Variants in BBS9 observed in about 807,000 individuals in gnomAD.
BBS9 encodes the protein protein PTHB1.
BBS9 carries 89 observed loss-of-function variants against 117.7 expected under a neutral mutation model. The observed-to-expected ratio is 0.76, with a 90% CI of 0.64 to 0.90. The LOEUF (loss-of-function observed/expected upper bound fraction) is 0.90, where lower values mean the gene tolerates loss of function less well. Among genes scored for constraint, BBS9 ranks in the 40% least tolerant of loss-of-function variants. The pLI is 0.00. For missense variants in BBS9, 982 were observed against 1,042.2 expected, an observed-to-expected ratio of 0.94 and a Z score of 0.80; for synonymous variants, 379 against 370.9, an observed-to-expected ratio of 1.02 and a Z score of -0.25.
rs77499836 is a variant in BBS9 at position 33,413,042 on chromosome 7, T to A, written c.2115+24898T>A. 1.8e-4 allele frequency among the ~76,000 whole-genome samples: 28 copies of A among 152,304 alleles called. No homozygotes were observed. In the East Asian group the frequency reaches 4.8e-3, roughly 26 times the overall value. On this transcript the variant is annotated intron_variant, in intron 19 of 22. Transcript: ENST00000242067. The stretch of plus-strand genomic sequence containing the variant: ...TACTCACGACCTAGAAAAAGAGTCA[T>A]TTTTTACTATGAGTTAATTTTTCTG...
chr7:33,174,033 G>A (rs1258814900), intron 4 of BBS9, among the ~76,000 whole-genome samples: 2 of 152,112 alleles, frequency 1.3e-5, no homozygotes, highest in Non-Finnish European at 2.9e-5. Context: ...GATATAAGAA[G>A]CCCCCTTACT....
At chr7:33,580,471 C>G (rs549232534) in intron 21 of BBS9, among the ~76,000 whole-genome samples, 8 of 151,730 alleles carry the variant, frequency 5.3e-5, no homozygotes, top group African/African-American at 1.9e-4. Context: ...AGGTAACAGT[C>G]AAGAAATAAG....
chr7:33,602,190 C>T (rs1326199941), intron 21 of BBS9, among the ~76,000 whole-genome samples: 1 of 134,062 alleles, frequency 7.5e-6, no homozygotes, highest in African/African-American at 3.5e-5. Context: ...CATGAAGAGG[C>T]TGAGCAGGTG....
intron 19 of BBS9, among the ~76,000 whole-genome samples, chr7:33,482,653 C>T (rs1158633625): frequency 6.6e-6 from 1 of 152,152 alleles, no homozygotes; most frequent in Non-Finnish European, 1.5e-5. Flanking sequence ...TTAAATTTGT[C>T]TCCTGAAACT....
intron 19 of BBS9, among the ~76,000 whole-genome samples, chr7:33,503,747 A>T (rs1845771223): frequency 6.6e-6 from 1 of 152,062 alleles, no homozygotes; most frequent in Admixed American, 6.6e-5. Context: ...CATTCACAGG[A>T]AGAAAAAGAG....
chr7:33,518,853 C>T (rs963923775), intron 20 of BBS9, among the ~76,000 whole-genome samples: 3 of 152,128 alleles, frequency 2.0e-5, no homozygotes, highest in Non-Finnish European at 4.4e-5. Flanking sequence ...TGAAAATTGA[C>T]ACTAACATTG....
intron 16 of BBS9, among the ~76,000 whole-genome samples, chr7:33,358,918 T>C (rs1482464551): frequency 6.6e-6 from 1 of 151,878 alleles, no homozygotes; most frequent in Non-Finnish European, 1.5e-5. Flanking sequence ...TTTATTAATT[T>C]GCAGTATTTC....
intron 5 of BBS9, among the ~76,000 whole-genome samples, chr7:33,199,953 G>A (rs1262158310): frequency 6.6e-6 from 1 of 151,970 alleles, no homozygotes; most frequent in Non-Finnish European, 1.5e-5. Flanking sequence ...ATAGTACAAA[G>A]CATATGAAGG....
intron 10 of BBS9, among the ~76,000 whole-genome samples, chr7:33,337,403 A>G (rs1398457130): frequency 6.6e-6 from 1 of 152,138 alleles, no homozygotes; most frequent in African/African-American, 2.4e-5. Context: ...TAATAAAAGA[A>G]GCAGAGCATC....
chr7:33,324,597 T>TC, intron 9 of BBS9, among the ~76,000 whole-genome samples: 1 of 141,452 alleles, frequency 7.1e-6, no homozygotes, highest in Non-Finnish European at 1.6e-5. Context: ...CTAGTTAACA[T>TC]CCATTTTTTT....
chr7:33,281,000 A>G (rs1344140903), intron 9 of BBS9, among the ~76,000 whole-genome samples: 1 of 135,212 alleles, frequency 7.4e-6, no homozygotes, highest in Non-Finnish European at 1.6e-5. Flanking sequence ...TTCTTTTTGA[A>G]TTCTTACATT....
At chr7:33,319,921 A>G (rs374528657) in intron 9 of BBS9, among the ~76,000 whole-genome samples, 6 of 152,340 alleles carry the variant, frequency 3.9e-5, no homozygotes, top group African/African-American at 4.8e-5. Flanking sequence ...ACAGTTCTCA[A>G]AAGAAGATAT....
At chr7:33,511,967 C>T (rs1173929472) in intron 20 of BBS9, among the ~76,000 whole-genome samples, 1 of 152,166 alleles carries the variant, frequency 6.6e-6, no homozygotes, top group Non-Finnish European at 1.5e-5. Context: ...AAGAGGAAGT[C>T]TGGTGTCAGT....
intron 20 of BBS9, among the ~76,000 whole-genome samples, chr7:33,517,319 C>G (rs1847940754): frequency 6.6e-6 from 1 of 152,236 alleles, no homozygotes; most frequent in African/African-American, 2.4e-5. Context: ...TGTCCCATTC[C>G]TATCTCTTAA....
At chr7:33,392,863 T>A (rs1270905446) in intron 19 of BBS9, among the ~76,000 whole-genome samples, 1 of 152,058 alleles carries the variant, frequency 6.6e-6, no homozygotes, top group East Asian at 1.9e-4. Flanking sequence ...TTGTCAAGAG[T>A]TGTTTAAAGC....
chr7:33,517,331 C>G (rs1847942656), intron 20 of BBS9, among the ~76,000 whole-genome samples: 1 of 152,200 alleles, frequency 6.6e-6, no homozygotes, highest in Admixed American at 6.5e-5. Flanking sequence ...ATCTCTTAAC[C>G]TCTCACCATT....
rs578208457 is a variant in BBS9, at chr7:33,605,562, A to G, written c.*336A>G. The G allele has an allele frequency of 1.5e-3, 483 of 330,878 alleles. No homozygotes were observed. The highest frequency in any genetic ancestry group is 2.9e-3 in the Middle Eastern group (3 of 1,052). The allele number at this position is 330,878 out of a possible 1,614,324, so 20.5% of individuals were successfully genotyped here. On this transcript the variant is annotated 3_prime_UTR_variant, in exon 23 of 23. Coordinates refer to ENST00000242067, the MANE Select transcript of BBS9 (RefSeq NM_198428.3). Reference sequence around the variant, plus strand: ...AGATTCAGATCCAAAATAATTTCATACCCCATTTTTTCACAGAATTCTTAT... The same window carrying G: ...AGATTCAGATCCAAAATAATTTCATGCCCCATTTTTTCACAGAATTCTTAT...
rs1173539919 is a variant in BBS9 at position 33,352,939 on chromosome 7, A to G, written c.1552+66A>G. 5 of 1,512,116 alleles carry G rather than the reference A, an allele frequency of 3.3e-6. No homozygotes were observed. The African/African-American group carries it at 5.5e-5, about 17-fold the overall frequency. The allele number at this position is 1,512,116 out of a possible 1,614,324, so 93.7% of individuals were successfully genotyped here. ...CTGAAATTTGATGAATTGAATTGGT[A>G]TTATACCATGAATGAACTCTTTTTA... On this transcript the variant is annotated intron_variant, in intron 15 of 22. Transcript: ENST00000242067.
intron 10 of BBS9, among the ~76,000 whole-genome samples, chr7:33,339,231 C>T (rs1274801426): frequency 5.9e-5 from 9 of 152,102 alleles, no homozygotes; most frequent in African/African-American, 1.9e-4. Context: ...TTTTGGAACT[C>T]CTGCCCTCGC....
Sources: allele counts gnomAD v4.1 joint callset (sites outside exome capture counted in the v4.1 genomes callset), GRCh38; gene constraint gnomAD v4.1.1; transcripts MANE v1.5; gene names NCBI Gene and HGNC (gene_info 2026-07-23, HGNC 2026-07-21).